GFRA2: variants seen among roughly 807,000 people sequenced by gnomAD.
The protein encoded by GFRA2 is GDNF family receptor alpha 2.
Under a neutral mutation model 48.3 loss-of-function variants are expected in GFRA2, and 17 were observed. That is an observed-to-expected ratio of 0.35 (90% CI 0.24 to 0.53). The LOEUF is 0.53. Ranked by LOEUF, GFRA2 falls within the 20% of genes least tolerant of loss-of-function variation. The pLI is 0.93. For synonymous variants in GFRA2, 305 were observed against 257.2 expected (o/e 1.19, Z -1.78); for missense variants, 660 against 637.3 (o/e 1.04, Z -0.38).
At chr8:21,777,977 C>T (rs1408864723) in intron 2 of GFRA2, among the ~76,000 whole-genome samples, 1 of 152,192 alleles carries the variant, frequency 6.6e-6, no homozygotes, top group East Asian at 1.9e-4. Context: ...CTCTCTCCAT[C>T]CTCCCCACTG....
chr8:21,706,107 T>C (rs376318521), intron 4 of GFRA2, 66 bp from the exon 5 acceptor site: 1 of 1,041,584 alleles, frequency 9.6e-7, no homozygotes. Context: ...CTGTCTCCTC[T>C]GTCCTGCCAG....
At chr8:21,806,041 G>C (rs979923267) in intron 1 of GFRA2, among the ~76,000 whole-genome samples, 1 of 152,146 alleles carries the variant, frequency 6.6e-6, no homozygotes, top group African/African-American at 2.4e-5. Flanking sequence ...ACCTCTTGCT[G>C]GTCCTATAAC....
At chr8:21,710,754 A>C (rs965453643) in intron 4 of GFRA2, among the ~76,000 whole-genome samples, 1 of 152,248 alleles carries the variant, frequency 6.6e-6, no homozygotes, top group Admixed American at 6.5e-5. Flanking sequence ...GGGGGAGAAC[A>C]CAGGCCTGAG....
chr8:21,797,224 T>C (rs924550551), intron 2 of GFRA2, among the ~76,000 whole-genome samples: 6 of 152,148 alleles, frequency 3.9e-5, no homozygotes, highest in South Asian at 2.1e-4. Flanking sequence ...AGGGGCTGCA[T>C]TCTACATCAC....
intron 4 of GFRA2, among the ~76,000 whole-genome samples, chr8:21,710,451 G>A (rs1344878385): frequency 6.6e-6 from 1 of 152,034 alleles, no homozygotes; most frequent in Non-Finnish European, 1.5e-5. Flanking sequence ...CACAGGGCAA[G>A]TGAGCGCATC....
chr8:21,785,125 T>C (rs1807205218), intron 1 of GFRA2, among the ~76,000 whole-genome samples: 1 of 152,198 alleles, frequency 6.6e-6, no homozygotes. Context: ...TAGCCTTCTG[T>C]AGGCACAGAA....
chr8:21,751,004 C>T lies in GFRA2; in HGVS notation c.440-62G>A. 2.7e-6 allele frequency: 3 copies of T among 1,093,938 alleles called. No individual in the cohort carries two copies. The Admixed American group carries it at 6.5e-5, about 24-fold the overall frequency. The allele number at this position is 1,093,938 out of a possible 1,614,324, so 67.8% of individuals were successfully genotyped here. Reference sequence around the variant, plus strand: ...CAAGCATGAGGAGGACACAGCTGCCCCCTCACTGGAAGATGTCTCCCAGTA... The same window carrying T: ...CAAGCATGAGGAGGACACAGCTGCCTCCTCACTGGAAGATGTCTCCCAGTA... On this transcript the variant is annotated intron_variant, in intron 3 of 8. Transcript: ENST00000524240.
intron 4 of GFRA2, among the ~76,000 whole-genome samples, chr8:21,721,454 A>G (rs1387047280): frequency 6.6e-6 from 1 of 152,178 alleles, no homozygotes; most frequent in Non-Finnish European, 1.5e-5. Flanking sequence ...CCTGTGGAGG[A>G]AGGCTGGGTA....
chr8:21,720,284 C>T (rs1199532725), intron 4 of GFRA2, among the ~76,000 whole-genome samples: 2 of 152,174 alleles, frequency 1.3e-5, no homozygotes, highest in African/African-American at 4.8e-5. Flanking sequence ...AGACTCCAGG[C>T]ACCAAATCCC....
At chr8:21,789,597 T>C (rs1807479643), upstream of GFRA2, among the ~76,000 whole-genome samples, 1 of 151,922 alleles carries the variant, frequency 6.6e-6, no homozygotes, top group African/African-American at 2.4e-5. Flanking sequence ...ATTATCCCCT[T>C]CGGCGCCGGC....
At position 21,691,187 on chromosome 8, in the gene GFRA2, T is replaced by C. The variant is rs1157885394; in HGVS notation, c.*2091A>G. 1 of 152,204 alleles carries C rather than the reference T, an allele frequency of 6.6e-6. No individual in the cohort carries two copies. The highest frequency in any genetic ancestry group is 1.5e-5 in the Non-Finnish European group (1 of 68,038). The allele number at this position is 152,204 out of a possible 1,614,324, so 9.4% of individuals were successfully genotyped here. On this transcript the variant is annotated 3_prime_UTR_variant, in exon 9 of 9. Transcript: ENST00000524240. Reference sequence around the variant, plus strand: ...GCAGCCCTGAAGGCCAGGCTGACAGTAGAAACATCTTCTCGCCTACCAGTC... The same window carrying C: ...GCAGCCCTGAAGGCCAGGCTGACAGCAGAAACATCTTCTCGCCTACCAGTC...
Position 21,726,124 on chromosome 8 carries a change from C to T in GFRA2, c.795-20083G>A, listed in dbSNP as rs1167294515. On this transcript the variant is annotated intron_variant, in intron 4 of 8. Coordinates refer to ENST00000524240, the MANE Select transcript of GFRA2 (RefSeq NM_001495.5). Reference sequence around the variant, plus strand: ...CTCTGCCAAGAACACCACAGTCATCCCTCACCCTGGGTGGACTCCACCCCA... The same window carrying T: ...CTCTGCCAAGAACACCACAGTCATCTCTCACCCTGGGTGGACTCCACCCCA... 3.3e-5 allele frequency among the ~76,000 whole-genome samples: 5 copies of T among 152,208 alleles called. 1 individual carries two copies. In the South Asian group the frequency reaches 6.2e-4, roughly 19 times the overall value.
At chr8:21,752,539 C>T (rs79971744) in intron 3 of GFRA2, among the ~76,000 whole-genome samples, 6,806 of 152,148 alleles carry the variant, frequency 0.045, 330 homozygotes, top group African/African-American at 0.12. Context: ...TCTCTACATG[C>T]ACCTGCTCCC....
intron 4 of GFRA2, among the ~76,000 whole-genome samples, chr8:21,713,609 G>A (rs1803181580): frequency 6.6e-6 from 1 of 152,028 alleles, no homozygotes; most frequent in African/African-American, 2.4e-5. Context: ...CGTGGGTACA[G>A]GTGGACTTTC....
At chr8:21,701,373 G>GAC (rs1802468396) in intron 7 of GFRA2, among the ~76,000 whole-genome samples, 1 of 152,192 alleles carries the variant, frequency 6.6e-6, no homozygotes, top group Non-Finnish European at 1.5e-5. Flanking sequence ...CAGCCTGGGC[G>GAC]AGACTGCGAG....
chr8:21,726,521 C>G (rs559685324), intron 4 of GFRA2, among the ~76,000 whole-genome samples: 35 of 152,170 alleles, frequency 2.3e-4, no homozygotes, highest in Non-Finnish European at 4.6e-4. Flanking sequence ...AGGGCCTTGC[C>G]TCCTCTGAAG....
At chr8:21,718,245 G>C (rs985574027) in intron 4 of GFRA2, among the ~76,000 whole-genome samples, 2 of 152,082 alleles carry the variant, frequency 1.3e-5, no homozygotes, top group African/African-American at 4.8e-5. Flanking sequence ...TTATTATTAG[G>C]GGCAGTTTTT....
intron 7 of GFRA2, among the ~76,000 whole-genome samples, chr8:21,698,281 G>A (rs1443715296): frequency 2.0e-5 from 3 of 152,216 alleles, no homozygotes; most frequent in African/African-American, 7.2e-5. Context: ...TGCCCCAGAA[G>A]CATCAAAGAA....
In GFRA2 at chr8:21,750,735, G is replaced by A; in HGVS notation, c.647C>T (p.Thr216Ile). 6.2e-7 allele frequency: 1 copy of A among 1,613,966 alleles called. No individual in the cohort carries two copies. Among genetic ancestry groups the A allele is most frequent in the Non-Finnish European group, 8.5e-7 (1 of 1,179,856 alleles). The change falls in exon 4 of 9, where the codon ACC becomes ATC. Residue 216 changes from threonine (T) to isoleucine (I), a missense_variant. By Grantham distance (89) the Thr-to-Ile change is moderately conservative (BLOSUM62 -1). Transcript: ENST00000524240. The surrounding 1 kb of genome is among the most constrained non-coding windows in gnomAD (Gnocchi z 5.7). ...QFFDRVPSEY[T>I]YRMLFCSCQD... ...GCAGGAGCAGAAGAGCATGCGGTAG[G>A]TGTACTCGCTGGGCACCCGGTCGAA...
Sources: allele counts gnomAD v4.1 joint callset (sites outside exome capture counted in the v4.1 genomes callset), GRCh38; gene constraint gnomAD v4.1.1; non-coding constraint Gnocchi (gnomAD v3.1); transcripts MANE v1.5; gene names NCBI Gene and HGNC (gene_info 2026-07-23, HGNC 2026-07-21).